PTPRC: variants seen among roughly 807,000 people sequenced by gnomAD.
PTPRC encodes protein tyrosine phosphatase receptor type C.
In PTPRC, 44 loss-of-function variants were observed where a neutral mutation model predicts 155.9. The observed-to-expected ratio is 0.28, with a 90% confidence interval of 0.22 to 0.36. The LOEUF (loss-of-function observed/expected upper bound fraction) is 0.36, where lower values mean the gene tolerates loss of function less well. Among genes scored for constraint, PTPRC ranks in the 10% least tolerant of loss-of-function variants. The probability of loss-of-function intolerance (pLI) is 1.00; values close to 1 mark genes in which losing one functional copy is unlikely to be tolerated. For synonymous variants in PTPRC, 525 were observed against 533.1 expected (o/e 0.98, Z 0.21); for missense variants, 1,401 against 1,564.6 (o/e 0.90, Z 1.76).
At chr1:198,751,478 T>C (rs1655380586) in intron 29 of PTPRC, among the ~76,000 whole-genome samples, 3 of 152,004 alleles carry the variant, frequency 2.0e-5, no homozygotes, top group Admixed American at 2.0e-4. Context: ...TAAATCTCAC[T>C]CTTTCTCACC....
intron 2 of PTPRC, among the ~76,000 whole-genome samples, chr1:198,678,581 C>A (rs1198156983): frequency 2.0e-5 from 3 of 152,078 alleles, no homozygotes; most frequent in Non-Finnish European, 4.4e-5. Flanking sequence ...GGCACCAGAG[C>A]GAGATACTGA....
chr1:198,699,851 A>C (rs1431799135), intron 5 of PTPRC, 147 bp downstream of exon 5: 1 of 1,017,776 alleles, frequency 9.8e-7, no homozygotes, highest in East Asian at 2.5e-5. Context: ...TCTTAGGAAT[A>C]TGAAACCACA....
In PTPRC at chr1:198,702,513, T is replaced by A. The variant is rs201715157; in HGVS notation, c.566T>A (p.Ile189Asn). ...CCTGCACGCACCTCCAACACCACCA[T>A]CACAGCGAACACCTCAGGTCTGACT... ...ALPARTSNTT[I>N]TANTSDAYLN... The change falls in exon 6 of 33, where the codon ATC becomes AAC. Residue 189 changes from isoleucine (I) to asparagine (N), a missense_variant. By Grantham distance (149) the Ile-to-Asn change is moderately radical. Around this residue, in one of 3 missense-constraint regions of PTPRC, gnomAD observed 867 missense variants for 970.4 expected, o/e 0.89. Coordinates refer to ENST00000442510, the MANE Select transcript of PTPRC (RefSeq NM_002838.5). 894 of 1,614,196 alleles carry A rather than the reference T, an allele frequency of 5.5e-4. 10 individuals carry two copies. The South Asian group carries it at 8.9e-3, about 16-fold the overall frequency.
intron 2 of PTPRC, among the ~76,000 whole-genome samples, chr1:198,675,184 C>T (rs1209682925): frequency 6.6e-6 from 1 of 152,104 alleles, no homozygotes; most frequent in East Asian, 1.9e-4. Context: ...AAAAATGACT[C>T]TATTTTTCCC....
chr1:198,754,727 C>A (rs1382370799), intron 32 of PTPRC, among the ~76,000 whole-genome samples: 1 of 151,982 alleles, frequency 6.6e-6, no homozygotes. Flanking sequence ...GTGTAACAAA[C>A]CACCCCCAAA....
chr1:198,746,095 G>A (rs982114763), intron 26 of PTPRC, among the ~76,000 whole-genome samples: 2 of 151,482 alleles, frequency 1.3e-5, no homozygotes, highest in African/African-American at 4.9e-5. Context: ...CTAGAGTCTT[G>A]GATAGATTAT....
intron 3 of PTPRC, chr1:198,695,295 A>T (rs1482252095): frequency 1.4e-6 from 1 of 692,464 alleles, no homozygotes; most frequent in Non-Finnish European, 1.8e-6. Context: ...TATTTGTGCC[A>T]TTGTCTTTTG....
chr1:198,752,428 T>C, intron 30 of PTPRC, 57 bp downstream of exon 30: 2 of 1,594,440 alleles, frequency 1.3e-6, no homozygotes, highest in Non-Finnish European at 1.7e-6. Context: ...GGTAGCAAAA[T>C]GAATATAAAT....
chr1:198,671,175 T>C (rs1209925115), intron 2 of PTPRC, among the ~76,000 whole-genome samples: 1 of 151,902 alleles, frequency 6.6e-6, no homozygotes, highest in Non-Finnish European at 1.5e-5. Context: ...CACTAACCCA[T>C]TTACTGCTTT....
At chr1:198,674,281 G>T (rs1018130131) in intron 2 of PTPRC, among the ~76,000 whole-genome samples, 3 of 152,044 alleles carry the variant, frequency 2.0e-5, no homozygotes, top group African/African-American at 7.2e-5. Context: ...GTCCAATGAA[G>T]GCATTTAACA....
At chr1:198,692,606 A>T in intron 3 of PTPRC, 1 of 1,013,896 alleles carries the variant, frequency 9.9e-7, no homozygotes, top group Non-Finnish European at 1.2e-6. Flanking sequence ...TATAAATAGT[A>T]ACTTTTCCCA....
chr1:198,717,004 G>A (rs1486801475), intron 13 of PTPRC, among the ~76,000 whole-genome samples, 164 bp downstream of exon 13: 2 of 152,172 alleles, frequency 1.3e-5, no homozygotes, highest in East Asian at 1.9e-4. Flanking sequence ...TTTAAAAACC[G>A]TTATCCTGGA....
At chr1:198,723,336 C>T (rs1364524728) in intron 15 of PTPRC, among the ~76,000 whole-genome samples, 1 of 152,056 alleles carries the variant, frequency 6.6e-6, no homozygotes, top group Non-Finnish European at 1.5e-5. Context: ...TCCTCTCTTA[C>T]ATATGTTACA....
At chr1:198,731,096 A>G (rs1245830485) in intron 17 of PTPRC, among the ~76,000 whole-genome samples, 1 of 152,072 alleles carries the variant, frequency 6.6e-6, no homozygotes, top group Non-Finnish European at 1.5e-5. Flanking sequence ...AATGTGTTTC[A>G]TATACTTGAA....
At chr1:198,645,363 A>G (rs1662884840) in intron 2 of PTPRC, among the ~76,000 whole-genome samples, 1 of 151,790 alleles carries the variant, frequency 6.6e-6, no homozygotes, top group African/African-American at 2.4e-5. Context: ...TTGATGAAAA[A>G]TATAATAATT....
chr1:198,736,153 A>G (rs1307380579), intron 23 of PTPRC, among the ~76,000 whole-genome samples: 2 of 151,598 alleles, frequency 1.3e-5, no homozygotes, highest in African/African-American at 4.8e-5. Context: ...TGGGGCATCC[A>G]TCATCCCAAG....
chr1:198,661,243 G>C (rs539814845), intron 2 of PTPRC, among the ~76,000 whole-genome samples: 1 of 151,458 alleles, frequency 6.6e-6, no homozygotes, highest in Admixed American at 6.6e-5. Context: ...GGAATATAAA[G>C]AGGTTTTGTC....
At chr1:198,740,399 G>A (rs906181442) in intron 23 of PTPRC, among the ~76,000 whole-genome samples, 1 of 151,742 alleles carries the variant, frequency 6.6e-6, no homozygotes, top group African/African-American at 2.4e-5. Context: ...CCAATATGGT[G>A]AAACCCCGTC....
intron 17 of PTPRC, among the ~76,000 whole-genome samples, chr1:198,730,303 C>T (rs1486012836): frequency 6.6e-6 from 1 of 152,006 alleles, no homozygotes; most frequent in Non-Finnish European, 1.5e-5. Context: ...CTTTGGAGCT[C>T]CTTAAAAGGC....
Sources: allele counts gnomAD v4.1 joint callset (sites outside exome capture counted in the v4.1 genomes callset), GRCh38; gene constraint gnomAD v4.1.1; regional missense constraint gnomAD v4.1.1; transcripts MANE v1.5; gene names NCBI Gene and HGNC (gene_info 2026-07-23, HGNC 2026-07-21).